Variants in STRN3 observed in about 807,000 individuals in gnomAD.
STRN3 encodes the protein striatin-3.
Under a neutral mutation model 95.6 loss-of-function variants are expected in STRN3, and 29 were observed. The ratio of observed to expected loss-of-function variants is 0.30; its 90% CI spans 0.23 to 0.41. The LOEUF is 0.41. STRN3 is among the 10% of genes least tolerant of loss of function. The pLI, the probability that STRN3 is intolerant of heterozygous loss-of-function variation, is 1.00. For missense variants in STRN3, 890 were observed against 972.1 expected, an observed-to-expected ratio of 0.92 and a Z score of 1.12; for synonymous variants, 331 against 357.6, an observed-to-expected ratio of 0.93 and a Z score of 0.84.
At position 30,936,520 on chromosome 14, in the gene STRN3, T is replaced by C. The variant is rs1878826714; in HGVS notation, c.821A>G (p.Asp274Gly). The C allele has an allele frequency of 6.2e-7, 1 of 1,613,522 alleles. No individual in the cohort carries two copies. The highest frequency in any genetic ancestry group is 2.2e-5 in the East Asian group (1 of 44,830). ...TTTATGTTTATTCATCCGATGTTTG[T>C]CTTTTCCTTCTGGGATGCCTTCGAT... is the stretch of plus-strand genomic sequence containing the variant. ...DMIEGIPEGK[D>G]KHRMNKHKIG... Residue 274 changes from aspartate to glycine, a missense_variant, in exon 6 of 18, where the codon GAC (aspartate) becomes GGC (glycine). Physicochemically the swap from Asp to Gly is moderately conservative, Grantham distance 94. This residue lies in a region of STRN3 where 526 missense variants were observed against 526.3 expected (regional missense o/e 1.00). Transcript: ENST00000357479.
chr14:30,968,457 G>A (rs576351569), intron 1 of STRN3, among the ~76,000 whole-genome samples: 3 of 151,502 alleles, frequency 2.0e-5, no homozygotes, highest in Admixed American at 6.6e-5. Context: ...CGAGGCGGGC[G>A]GATCACGAGG....
At chr14:30,925,821 A>T (rs1157305815) in intron 8 of STRN3, among the ~76,000 whole-genome samples, 7 of 152,124 alleles carry the variant, frequency 4.6e-5, no homozygotes, top group Non-Finnish European at 5.9e-5. Flanking sequence ...ATAAGCAAAA[A>T]TTTTTTTAAA....
rs757638869 is a variant in STRN3 at position 30,936,484 on chromosome 14, G to C, written c.846+11C>G. The C allele has an allele frequency of 6.2e-7, 1 of 1,607,376 alleles. No homozygotes were observed. The highest frequency in any genetic ancestry group is 2.2e-5 in the East Asian group (1 of 44,752). On this transcript the variant is annotated intron_variant, in intron 6 of 17. Transcript: ENST00000357479. ...TATATAGCTAATAAGAATATAAAAT[G>C]TAATTCCTACTTTATGTTTATTCAT...
chr14:31,013,013 C>CTTTG (rs1883041637), intron 1 of STRN3, among the ~76,000 whole-genome samples: 1 of 152,226 alleles, frequency 6.6e-6, no homozygotes, highest in African/African-American at 2.4e-5. Flanking sequence ...AATCCCAGCA[C>CTTTG]TTTGAGAGGC....
At chr14:30,910,973 T>C in intron 13 of STRN3, 68 bp downstream of exon 13, 1 of 1,539,106 alleles carries the variant, frequency 6.5e-7, no homozygotes, top group South Asian at 1.2e-5. Flanking sequence ...CTTGTAATCA[T>C]ATTTGAGGTA....
chr14:30,935,242 T>C lies in STRN3; in HGVS notation c.909A>G (p.Lys303=), dbSNP rs1878761237. The C allele has an allele frequency of 6.2e-7, 1 of 1,614,124 alleles. No homozygotes were observed. Among genetic ancestry groups the C allele is most frequent in the Non-Finnish European group, 8.5e-7 (1 of 1,179,992 alleles). ...TDDPDTEEAL[K]EFDFLVTAED... Reference sequence around the variant, plus strand: ...CAGCAGTCACTAAAAAATCAAATTCTTTCAGTGCTTCCTCAGTATCAGGAT... The same window carrying C: ...CAGCAGTCACTAAAAAATCAAATTCCTTCAGTGCTTCCTCAGTATCAGGAT... Residue 303 remains lysine (K), a synonymous_variant, in exon 7 of 18, where the codon AAA becomes AAG. Coordinates refer to ENST00000357479, the MANE Select transcript of STRN3 (RefSeq NM_001083893.2).
rs35858438 is a variant in STRN3, at chr14:30,895,053, CAAAAAAAAAAAAAAA to C, written c.*343_*357del. 6.4e-4 allele frequency: 17 copies of C among 26,564 alleles called. No individual in the cohort carries two copies. Among genetic ancestry groups the C allele is most frequent in the African/African-American group, 1.3e-3 (6 of 4,780 alleles). The allele number at this position is 26,564 out of a possible 1,614,324, so 1.6% of individuals were successfully genotyped here. ...AACCCCTAAGGCAGCACACAGAGTC[CAAAAAAAAAAAAAAA>C]AAAAAAAAAAAGAAGAAGAAGAAGA... is the stretch of plus-strand genomic sequence containing the variant. On this transcript the variant is annotated 3_prime_UTR_variant, in exon 18 of 18. Coordinates refer to ENST00000357479, the MANE Select transcript of STRN3 (RefSeq NM_001083893.2).
chr14:30,904,883 T>C (rs1234802294), intron 15 of STRN3, among the ~76,000 whole-genome samples: 1 of 150,242 alleles, frequency 6.7e-6, no homozygotes, highest in Non-Finnish European at 1.5e-5. Flanking sequence ...GAGAAGCACA[T>C]TAAATAACAC....
At chr14:30,978,541 C>T (rs1881228092) in intron 1 of STRN3, among the ~76,000 whole-genome samples, 1 of 152,138 alleles carries the variant, frequency 6.6e-6, no homozygotes, top group Admixed American at 6.5e-5. Context: ...TGCTTTTCCC[C>T]CTAAGACTGG....
intron 1 of STRN3, among the ~76,000 whole-genome samples, chr14:30,986,061 T>G (rs941635054): frequency 2.6e-5 from 4 of 152,172 alleles, no homozygotes; most frequent in Non-Finnish European, 4.4e-5. Context: ...GATCTTTCTA[T>G]TAAAGAGAAA....
chr14:30,930,839 A>G (rs1307651799), intron 7 of STRN3, among the ~76,000 whole-genome samples: 6 of 152,162 alleles, frequency 3.9e-5, no homozygotes, highest in Admixed American at 3.9e-4. Context: ...ATTTGCACTC[A>G]TCTTAATGAA....
In STRN3 at chr14:30,912,106, C is replaced by T. The variant is rs756747285; in HGVS notation, c.1451G>A (p.Arg484Gln). 4.3e-6 allele frequency: 7 copies of T among 1,614,094 alleles called. No homozygotes were observed. The highest frequency in any genetic ancestry group is 5.1e-6 in the Non-Finnish European group (6 of 1,180,000). The part of the protein sequence containing the change: ...YTLRSHFDGV[R>Q]ALAFHPVEPV... ...TTCTACAGGATGAAAAGCTAATGCC[C>T]GTACTCCATCAAAATGGCTACGTAG... The change falls in exon 11 of 18, where the codon CGG becomes CAG. Residue 484 changes from arginine (R) to glutamine (Q), a missense_variant. Transcript: ENST00000357479.
chr14:30,917,824 A>G (rs1298145184), intron 9 of STRN3, among the ~76,000 whole-genome samples: 1 of 152,202 alleles, frequency 6.6e-6, no homozygotes, highest in Non-Finnish European at 1.5e-5. Context: ...AACAAGATGT[A>G]TTTAAAATTT....
At chr14:30,964,258 A>G (rs1880363131) in intron 1 of STRN3, 1 of 152,222 alleles carries the variant, frequency 6.6e-6, no homozygotes, top group Non-Finnish European at 1.5e-5. Flanking sequence ...AACTACACAC[A>G]AGAGAAGATA....
intron 1 of STRN3, among the ~76,000 whole-genome samples, chr14:30,963,354 C>T (rs759947843): frequency 6.6e-6 from 1 of 152,206 alleles, no homozygotes. Flanking sequence ...CTTAAGTGCA[C>T]ATGGGACAGT....
At chr14:30,988,558 A>G (rs1483751807) in intron 1 of STRN3, among the ~76,000 whole-genome samples, 1 of 152,208 alleles carries the variant, frequency 6.6e-6, no homozygotes, top group Admixed American at 6.5e-5. Flanking sequence ...TTGGAATGCA[A>G]ATTTATTCCT....
At chr14:31,019,886 C>CTTTTT (rs67956918) in intron 1 of STRN3, among the ~76,000 whole-genome samples, 3 of 143,048 alleles carry the variant, frequency 2.1e-5, no homozygotes, top group African/African-American at 5.2e-5. Flanking sequence ...CACTCATTTT[C>CTTTTT]TTTTTTTTTT....
chr14:31,021,633 C>G (rs1883511116), intron 1 of STRN3, among the ~76,000 whole-genome samples: 1 of 152,078 alleles, frequency 6.6e-6, no homozygotes, highest in Admixed American at 6.6e-5. Flanking sequence ...AGAAAGAAAA[C>G]ATATGAAGAA....
At chr14:31,008,121 G>A (rs1435153736) in intron 1 of STRN3, among the ~76,000 whole-genome samples, 1 of 152,058 alleles carries the variant, frequency 6.6e-6, no homozygotes, top group Non-Finnish European at 1.5e-5. Flanking sequence ...AACCCAGGAG[G>A]TGGGGGTTGC....
Sources: allele counts gnomAD v4.1 joint callset (sites outside exome capture counted in the v4.1 genomes callset), GRCh38; gene constraint gnomAD v4.1.1; regional missense constraint gnomAD v4.1.1; transcripts MANE v1.5; gene names NCBI Gene and HGNC (gene_info 2026-07-23, HGNC 2026-07-21).